PRG4: variants seen among roughly 807,000 people sequenced by gnomAD.
The protein encoded by PRG4 is articular superficial zone protein.
Under a neutral mutation model 91.2 loss-of-function variants are expected in PRG4, and 61 were observed. That is an observed-to-expected ratio of 0.67 (90% CI 0.54 to 0.83). The LOEUF is 0.83. Among genes scored for constraint, PRG4 ranks in the 40% least tolerant of loss-of-function variants. The probability of loss-of-function intolerance (pLI) is 0.00; values close to 1 mark genes in which losing one functional copy is unlikely to be tolerated. For synonymous variants in PRG4, 576 were observed against 614.2 expected (o/e 0.94, Z 0.92); for missense variants, 1,564 against 1,714.2 (o/e 0.91, Z 1.55).
chr1:186,309,738 TAC>T (rs1407080541), intron 7 of PRG4, 53 bp from the exon 8 acceptor site: 235 of 1,288,820 alleles, frequency 1.8e-4, no homozygotes, highest in Non-Finnish European at 2.6e-4. Flanking sequence ...GAAAAGAACA[TAC>T]AGACTTTTCT....
Position 186,306,993 on chromosome 1 carries a change from C to T in PRG4, c.1274C>T (p.Thr425Ile), listed in dbSNP as rs1656647971. Residue 425 changes from threonine (T) to isoleucine (I), a missense_variant, in exon 7 of 13, where the codon ACC becomes ATC. Physicochemically the swap from Thr to Ile is moderately conservative, Grantham distance 89. Coordinates refer to ENST00000445192, the MANE Select transcript of PRG4 (RefSeq NM_005807.6). Reference sequence around the variant, plus strand: ...ACCAAGGAGCCTGCACCCACCACCACCAAGTCTGCACCCACCACTCCCAAG... The same window carrying T: ...ACCAAGGAGCCTGCACCCACCACCATCAAGTCTGCACCCACCACTCCCAAG... Reference protein sequence around the residue: ...TTTKEPAPTTTKSAPTTPKEP... With the variant: ...TTTKEPAPTTIKSAPTTPKEP... The T allele has an allele frequency of 6.3e-7, 1 of 1,597,262 alleles. No individual in the cohort carries two copies. The highest frequency in any genetic ancestry group is 1.7e-5 in the Admixed American group (1 of 58,402).
rs1657490538 is a variant in PRG4 at position 186,314,154 on chromosome 1, A to T, written c.*376A>T. 2 of 762,614 alleles carry T rather than the reference A, an allele frequency of 2.6e-6. No homozygotes were observed. The highest frequency in any genetic ancestry group is 5.6e-5 in the Admixed American group (2 of 35,638). The allele number at this position is 762,614 out of a possible 1,614,324, so 47.2% of individuals were successfully genotyped here. A position where few individuals can be genotyped will look rare whatever the true frequency, so the allele number is the denominator to read the frequency against. On this transcript the variant is annotated 3_prime_UTR_variant, in exon 13 of 13. Coordinates refer to ENST00000445192, the MANE Select transcript of PRG4 (RefSeq NM_005807.6). ...ATATAAAACTGTTGGGTATTCTACA[A>T]CTTCAATGGAAATTATTACAAGCAG...
At chr1:186,309,945 G>C in intron 8 of PRG4, 75 bp downstream of exon 8, 1 of 1,279,788 alleles carries the variant, frequency 7.8e-7, no homozygotes, top group Admixed American at 1.7e-5. Flanking sequence ...CCGTGGAAGA[G>C]TGCTAGTTTG....
intron 6 of PRG4, 36 bp from the exon 7 acceptor site, chr1:186,306,282 T>A (rs759441503): frequency 3.5e-5 from 52 of 1,483,012 alleles, no homozygotes; most frequent in Non-Finnish European, 4.1e-5. Flanking sequence ...GAAAAAAAAA[T>A]ATTCTAAAAT....
Position 186,306,534 on chromosome 1 carries a change from A to T in PRG4, c.815A>T (p.Lys272Ile), listed in dbSNP as rs149863309. Residue 272 changes from lysine (K) to isoleucine (I), a missense_variant, in exon 7 of 13, where the codon AAA (lysine) becomes ATA (isoleucine). By Grantham distance (102) the Lys-to-Ile change is moderately radical. Transcript: ENST00000445192. ...CTTCCACCTAATTCTGATACATCTA[A>T]AGAGACGTCTTTGACAGTGAATAAA... is the stretch of plus-strand genomic sequence containing the variant. ...PSLPPNSDTS[K>I]ETSLTVNKET... 1,200 of 1,613,130 alleles carry T rather than the reference A, an allele frequency of 7.4e-4. 3 individuals are homozygous for T. The highest frequency in any genetic ancestry group is 1.6e-3 in the Admixed American group (97 of 59,986).
chr1:186,313,617 A>G, intron 12 of PRG4, 64 bp from the exon 13 acceptor site: 1 of 932,820 alleles, frequency 1.1e-6, no homozygotes, highest in Admixed American at 1.7e-5. Flanking sequence ...AGTCAACATA[A>G]GTTATTTTTT....
In PRG4 at chr1:186,301,654, G is replaced by C; in HGVS notation, c.262G>C (p.Ala88Pro). 1 of 1,613,730 alleles carries C rather than the reference G, an allele frequency of 6.2e-7. No individual in the cohort carries two copies. The highest frequency in any genetic ancestry group is 2.2e-5 in the East Asian group (1 of 44,860). ...FERGRECDCD[A>P]QCKKYDKCCP... ...GAGAGGGAGGGAGTGTGACTGCGACGCCCAATGTAAGAAGTATGACAAGTG... is the reference window on the plus strand; with the variant it reads ...GAGAGGGAGGGAGTGTGACTGCGACCCCCAATGTAAGAAGTATGACAAGTG... Residue 88 changes from alanine to proline, a missense_variant, in exon 4 of 13, where the codon GCC becomes CCC. By Grantham distance (27) the Ala-to-Pro change is conservative. Transcript: ENST00000445192.
chr1:186,302,601 A>G (rs765494309), intron 4 of PRG4, among the ~76,000 whole-genome samples: 94 of 152,230 alleles, frequency 6.2e-4, no homozygotes, highest in Admixed American at 2.2e-3. Flanking sequence ...GAAAACTGCT[A>G]ATCAGCAGAA....
chr1:186,300,146 C>A lies in PRG4; in HGVS notation c.132C>A (p.Cys44Ter). The A allele has an allele frequency of 6.2e-7, 1 of 1,614,028 alleles. No individual in the cohort carries two copies. The highest frequency in any genetic ancestry group is 8.5e-7 in the Non-Finnish European group (1 of 1,179,902). ...CGEGYSRDAT[C>*]NCDYNCQHYM... ...AAGGGTATTCTAGAGATGCCACCTG[C>A]AACTGTGATTATAACTGTCAACACT... is the stretch of plus-strand genomic sequence containing the variant. The change falls in exon 3 of 13, where the codon TGC becomes TGA. Residue 44 changes from cysteine (C) to a stop codon, truncating the protein, a stop_gained. Coordinates refer to ENST00000445192, the MANE Select transcript of PRG4 (RefSeq NM_005807.6). LOFTEE classifies it high-confidence loss of function.
At chr1:186,303,698 A>G (rs1411385374) in intron 4 of PRG4, among the ~76,000 whole-genome samples, 1 of 152,212 alleles carries the variant, frequency 6.6e-6, no homozygotes, top group Non-Finnish European at 1.5e-5. Flanking sequence ...ATTTAAATGA[A>G]TATTAAAACA....
At chr1:186,309,583 TA>T (rs1657023065) in intron 7 of PRG4, among the ~76,000 whole-genome samples, 1 of 152,196 alleles carries the variant, frequency 6.6e-6, no homozygotes, top group Admixed American at 6.5e-5. Context: ...CAATTCATAA[TA>T]ATTTATTTCA....
chr1:186,308,542 A>G lies in PRG4; in HGVS notation c.2823A>G (p.Thr941=), dbSNP rs1233939542. 3 of 1,613,734 alleles carry G rather than the reference A, an allele frequency of 1.9e-6. No homozygotes were observed. Among genetic ancestry groups the G allele is most frequent in the Non-Finnish European group, 2.5e-6 (3 of 1,180,016 alleles). The change falls in exon 7 of 13, where the codon ACA becomes ACG. Residue 941 remains threonine (T), a synonymous_variant. Coordinates refer to ENST00000445192, the MANE Select transcript of PRG4 (RefSeq NM_005807.6). ...CTGCACCTAAGATGACAAAAGAGAC[A>G]GCAACTACAACAGAAAAAACTACCG... ...TTAAPKMTKE[T]ATTTEKTTES...
intron 9 of PRG4, 114 bp from the exon 10 acceptor site, chr1:186,311,326 A>G (rs1316162114): frequency 9.7e-6 from 14 of 1,436,492 alleles, no homozygotes; most frequent in Non-Finnish European, 1.3e-5. Context: ...AGTAATGGTC[A>G]AAATTCAACC....
chr1:186,296,388 T>C (rs1655863241), intron 1 of PRG4, 95 bp downstream of exon 1: 1 of 154,606 alleles, frequency 6.5e-6, no homozygotes, highest in African/African-American at 2.4e-5. Flanking sequence ...TGGAAATTTT[T>C]GAAAAGGATT....
In PRG4 at chr1:186,308,427, C is replaced by T. The variant is rs1326352168; in HGVS notation, c.2708C>T (p.Thr903Ile). ...GAACCTGGTGTACCTACAACTAAGACTCCTGCAGCGACTAAACCTGAAATG... is the reference window on the plus strand; with the variant it reads ...GAACCTGGTGTACCTACAACTAAGATTCCTGCAGCGACTAAACCTGAAATG... ...PKEPGVPTTK[T>I]PAATKPEMTT... Residue 903 changes from threonine to isoleucine, a missense_variant, in exon 7 of 13, where the codon ACT (threonine) becomes ATT (isoleucine). Physicochemically the swap from Thr to Ile is moderately conservative, Grantham distance 89. Coordinates refer to ENST00000445192, the MANE Select transcript of PRG4 (RefSeq NM_005807.6). The T allele has an allele frequency of 1.2e-6, 2 of 1,613,928 alleles. No homozygotes were observed. Among genetic ancestry groups the T allele is most frequent in the East Asian group, 2.2e-5 (1 of 44,874 alleles).
Position 186,314,046 on chromosome 1 carries a change from C to A in PRG4, c.*268C>A. ...TCACACCTGTAAAAGAAAAAAGAAT[C>A]AAATTGAATATATCTTTTAAGAATT... On this transcript the variant is annotated 3_prime_UTR_variant, in exon 13 of 13. Transcript: ENST00000445192. 2 of 1,603,588 alleles carry A rather than the reference C, an allele frequency of 1.2e-6. No individual in the cohort carries two copies. Among genetic ancestry groups the A allele is most frequent in the South Asian group, 1.1e-5 (1 of 90,196 alleles).
chr1:186,303,020 CCACT>C (rs1037895781), intron 4 of PRG4, among the ~76,000 whole-genome samples: 39 of 152,172 alleles, frequency 2.6e-4, no homozygotes, highest in Admixed American at 2.5e-3. Flanking sequence ...AATAATAAAA[CCACT>C]CAGAACCTCA....
Position 186,314,264 on chromosome 1 carries a change from G to A in PRG4, c.*486G>A. ...ATATTAAAATTTTACACTTTTACTA[G>A]CTAAAACATAATCACAAAGCTTTAT... On this transcript the variant is annotated 3_prime_UTR_variant, in exon 13 of 13. Coordinates refer to ENST00000445192, the MANE Select transcript of PRG4 (RefSeq NM_005807.6). 3 of 457,718 alleles carry A rather than the reference G, an allele frequency of 6.6e-6. No individual in the cohort carries two copies. The highest frequency in any genetic ancestry group is 3.5e-5 in the South Asian group (1 of 28,192). 28.4% of individuals were successfully genotyped at this position (457,718 alleles called of 1,614,324 possible). A position where few individuals can be genotyped will look rare whatever the true frequency, so the allele number is the denominator to read the frequency against.
chr1:186,312,852 A>G lies in PRG4; in HGVS notation c.4075A>G (p.Ile1359Val). ...VVTSAISLPN[I>V]RKPDGYDYYA... Reference sequence around the variant, plus strand: ...TACCTCAGCTATATCACTGCCCAACATCAGAAAACCTGACGGCTATGATTA... The same window carrying G: ...TACCTCAGCTATATCACTGCCCAACGTCAGAAAACCTGACGGCTATGATTA... The change falls in exon 12 of 13, where the codon ATC (isoleucine) becomes GTC (valine). Residue 1359 changes from isoleucine (I) to valine (V), a missense_variant. By Grantham distance (29) the Ile-to-Val change is conservative. Around this residue, in one of 3 missense-constraint regions of PRG4, gnomAD observed 1,079 missense variants for 1,162.2 expected, o/e 0.93. Transcript: ENST00000445192. 2 of 1,612,790 alleles carry G rather than the reference A, an allele frequency of 1.2e-6. No individual in the cohort carries two copies. The highest frequency in any genetic ancestry group is 1.7e-6 in the Non-Finnish European group (2 of 1,178,782).
Sources: gnomAD v4.1 joint callset for allele counts (sites outside exome capture counted in the v4.1 genomes callset) on GRCh38, gnomAD v4.1.1 for gene constraint, gnomAD v4.1.1 regional missense constraint, MANE v1.5 for transcripts, NCBI Gene and HGNC (gene_info 2026-07-23, HGNC 2026-07-21) for gene names.